ANO4: variants seen among roughly 807,000 people sequenced by gnomAD.
The protein encoded by ANO4 is anoctamin-4.
A neutral mutation model predicts 141.9 loss-of-function variants in ANO4; 69 were observed. The ratio of observed to expected loss-of-function variants is 0.49; its 90% CI spans 0.40 to 0.59. ANO4 has a LOEUF of 0.59. Among genes scored for constraint, ANO4 ranks in the 20% least tolerant of loss-of-function variants. The pLI is 0.00. For missense variants in ANO4, 894 were observed against 1,162.2 expected (o/e 0.77, Z 3.36); for synonymous variants, 350 against 394.3 (o/e 0.89, Z 1.33).
chr12:101,120,410 A>G (rs2051038304), intron 25 of ANO4, 110 bp from the exon 26 acceptor site: 1 of 906,330 alleles, frequency 1.1e-6, no homozygotes, highest in African/African-American at 1.7e-5. Context: ...TAGTATAGAG[A>G]AACTTCAAAT....
intron 3 of ANO4, among the ~76,000 whole-genome samples, chr12:100,770,595 C>T (rs1164778263): frequency 2.6e-5 from 4 of 152,060 alleles, no homozygotes; most frequent in African/African-American, 9.7e-5. Flanking sequence ...TTTCTCTTTC[C>T]TTAGGTGAAA....
intron 1 of ANO4, among the ~76,000 whole-genome samples, chr12:100,720,679 A>T (rs1296588967): frequency 3.9e-5 from 6 of 152,168 alleles, no homozygotes; most frequent in African/African-American, 1.2e-4. Context: ...CATTGGTTAG[A>T]TACCTCCCAG....
intron 14 of ANO4, among the ~76,000 whole-genome samples, chr12:101,057,551 C>T (rs1035384184): frequency 2.6e-5 from 4 of 152,156 alleles, no homozygotes; most frequent in Admixed American, 2.0e-4. Context: ...TTAGTGATTG[C>T]CATTCTAACT....
intron 14 of ANO4, among the ~76,000 whole-genome samples, chr12:101,063,778 T>TTTTTTTTTTTTTTTTTA (rs2048456888): frequency 7.9e-6 from 1 of 126,428 alleles, no homozygotes; most frequent in African/African-American, 3.1e-5. Flanking sequence ...TTTTTTTTTT[T>TTTTTTTTTTTTTTTTTA]GCCTTTGAAA....
At chr12:101,112,414 C>T (rs141628462) in intron 24 of ANO4, among the ~76,000 whole-genome samples, 1 of 152,260 alleles carries the variant, frequency 6.6e-6, no homozygotes, top group Non-Finnish European at 1.5e-5. Flanking sequence ...ATTCCTGTAC[C>T]TTGGAGAAAG....
intron 2 of ANO4, among the ~76,000 whole-genome samples, chr12:100,739,049 A>G (rs1215757441): frequency 1.4e-5 from 2 of 146,962 alleles, no homozygotes; most frequent in African/African-American, 2.5e-5. Flanking sequence ...ATCTTTATAT[A>G]TATATCTAAA....
chr12:101,015,297 C>A (rs543232140), intron 8 of ANO4, among the ~76,000 whole-genome samples: 5 of 152,294 alleles, frequency 3.3e-5, no homozygotes, highest in African/African-American at 9.6e-5. Flanking sequence ...CATGCACAAG[C>A]AAATATGCCT....
intron 1 of ANO4, among the ~76,000 whole-genome samples, chr12:100,872,152 A>G (rs821866): frequency 0.41 from 61,714 of 152,076 alleles, 12,720 homozygotes; most frequent in Admixed American, 0.48. Context: ...TTCATTCAAC[A>G]TTTATTGAAT....
At chr12:101,063,991 T>G (rs1446357004) in intron 14 of ANO4, among the ~76,000 whole-genome samples, 1 of 151,826 alleles carries the variant, frequency 6.6e-6, no homozygotes, top group Non-Finnish European at 1.5e-5. Flanking sequence ...TTTAATGATG[T>G]TTTTCTATTG....
chr12:101,086,542 T>C, intron 16 of ANO4, 118 bp from the exon 17 acceptor site: 3 of 1,058,664 alleles, frequency 2.8e-6, no homozygotes, highest in Non-Finnish European at 4.2e-6. Context: ...TGTGATCTCT[T>C]GAGCAGTACT....
chr12:100,745,976 C>A (rs1285355975), intron 3 of ANO4, among the ~76,000 whole-genome samples: 1 of 152,126 alleles, frequency 6.6e-6, no homozygotes, highest in Non-Finnish European at 1.5e-5. Context: ...ATGATAGAGG[C>A]TGGAAAACAG....
intron 1 of ANO4, among the ~76,000 whole-genome samples, chr12:100,900,259 C>T (rs1409065302): frequency 2.6e-5 from 4 of 151,770 alleles, no homozygotes; most frequent in South Asian, 2.1e-4. Context: ...CTCTCTCTCC[C>T]TCTCCCACCC....
intron 3 of ANO4, among the ~76,000 whole-genome samples, chr12:100,785,726 G>A (rs1301009579): frequency 2.0e-5 from 3 of 152,080 alleles, no homozygotes; most frequent in South Asian, 2.1e-4. Flanking sequence ...AGGTTTTTAC[G>A]TGGACATAAG....
intron 1 of ANO4, among the ~76,000 whole-genome samples, chr12:100,723,185 A>C (rs1446985147): frequency 6.6e-6 from 1 of 152,212 alleles, no homozygotes; most frequent in Non-Finnish European, 1.5e-5. Context: ...TCTGAGAAGC[A>C]GCATTTTAAT....
At chr12:100,969,361 C>T (rs763334379) in intron 5 of ANO4, among the ~76,000 whole-genome samples, 1 of 152,170 alleles carries the variant, frequency 6.6e-6, no homozygotes, top group Non-Finnish European at 1.5e-5. Flanking sequence ...GAAAGTTAGA[C>T]TTTTCAGACC....
chr12:101,020,294 T>A (rs2046469515), intron 9 of ANO4, among the ~76,000 whole-genome samples, 154 bp downstream of exon 9: 1 of 152,198 alleles, frequency 6.6e-6, no homozygotes, highest in Admixed American at 6.5e-5. Flanking sequence ...AAGTGTAAAA[T>A]CTTCGTCGCA....
intron 23 of ANO4, 41 bp from the exon 24 acceptor site, chr12:101,111,522 G>T: frequency 6.7e-7 from 1 of 1,490,480 alleles, no homozygotes; most frequent in Non-Finnish European, 9.0e-7. Flanking sequence ...TATCACCTCT[G>T]TTTTGTGTAT....
chr12:101,020,940 A>G (rs191744159), intron 9 of ANO4, among the ~76,000 whole-genome samples: 8 of 152,326 alleles, frequency 5.3e-5, no homozygotes, highest in Non-Finnish European at 1.5e-5. Flanking sequence ...CAAAGGCACA[A>G]GTAAATTGAA....
chr12:101,043,663 G>A (rs1464620755), intron 13 of ANO4, 28 bp downstream of exon 13: 2 of 1,533,184 alleles, frequency 1.3e-6, no homozygotes, highest in South Asian at 1.1e-5. Context: ...CATTTTAGAT[G>A]AATTGAATTT....
Sources: gnomAD v4.1 joint callset for allele counts (sites outside exome capture counted in the v4.1 genomes callset) on GRCh38, gnomAD v4.1.1 for gene constraint, MANE v1.5 for transcripts, NCBI Gene and HGNC (gene_info 2026-07-23, HGNC 2026-07-21) for gene names.